Variants in COL4A5 observed in about 807,000 individuals in gnomAD.
The protein encoded by COL4A5 is collagen alpha-5(IV) chain.
A neutral mutation model predicts 130.2 loss-of-function variants in COL4A5; 26 were observed. The observed-to-expected ratio is 0.20, with a 90% CI of 0.15 to 0.28. The LOEUF is 0.28. Among genes scored for constraint, COL4A5 ranks in the 10% least tolerant of loss-of-function variants. The probability of loss-of-function intolerance (pLI) is 1.00; values close to 1 mark genes in which losing one functional copy is unlikely to be tolerated. For missense variants in COL4A5, 1,131 were observed against 1,344.3 expected (o/e 0.84, Z 2.48); for synonymous variants, 496 against 439.6 (o/e 1.13, Z -1.60).
chrX:108,674,709 C>G (rs747757892), intron 42 of COL4A5, 36 bp from the exon 43 acceptor site: 15 of 1,193,545 alleles, frequency 1.3e-5, no homozygotes, highest in Admixed American at 2.2e-5. Context: ...CTGCTAACAT[C>G]GATCTTTGGG....
At chrX:108,663,743 T>TAA (rs59197492) in intron 37 of COL4A5, among the ~76,000 whole-genome samples, 1 of 97,036 alleles carries the variant, frequency 1.0e-5, no homozygotes. Flanking sequence ...GAACTTAAAA[T>TAA]AAAAAAAAAA....
chrX:108,452,088 T>C (rs1295153682), intron 1 of COL4A5, among the ~76,000 whole-genome samples: 1 of 112,161 alleles, frequency 8.9e-6, no homozygotes, highest in Non-Finnish European at 1.9e-5. Flanking sequence ...GGGAATGCTT[T>C]CCCCATTGCT....
At chrX:108,673,427 G>C (rs1337262625) in intron 42 of COL4A5, among the ~76,000 whole-genome samples, 3 of 111,415 alleles carry the variant, frequency 2.7e-5, no homozygotes, top group Non-Finnish European at 5.6e-5. Flanking sequence ...AAAGAAAATT[G>C]TGTTTTTAGT....
intron 1 of COL4A5, among the ~76,000 whole-genome samples, chrX:108,461,680 A>G (rs992495500): frequency 9.2e-6 from 1 of 109,251 alleles, no homozygotes; most frequent in East Asian, 2.9e-4. Context: ...CTGGAACCTC[A>G]CCTCCCGGGT....
chrX:108,452,525 T>C (rs2147473104), intron 1 of COL4A5, among the ~76,000 whole-genome samples: 1 of 112,018 alleles, frequency 8.9e-6, no homozygotes, highest in South Asian at 3.8e-4. Flanking sequence ...TAGTTCTCCT[T>C]GAAGAGGTCC....
At chrX:108,563,098 A>G (rs1569487144) in intron 3 of COL4A5, among the ~76,000 whole-genome samples, 1 of 111,793 alleles carries the variant, frequency 8.9e-6, no homozygotes, top group Non-Finnish European at 1.9e-5. Flanking sequence ...ATAACTTAGC[A>G]TTGTATGTAT....
intron 4 of COL4A5, among the ~76,000 whole-genome samples, chrX:108,567,091 T>C (rs777627313): frequency 8.9e-6 from 1 of 111,847 alleles, no homozygotes; most frequent in South Asian, 3.8e-4. Context: ...AATGTATAAC[T>C]TAACAAAATA....
Position 108,577,988 on chromosome X carries a change from G to A in COL4A5, c.645+1G>A. On this transcript the variant is annotated splice_donor_variant, in intron 11 of 52. Coordinates refer to ENST00000328300, the MANE Select transcript of COL4A5 (RefSeq NM_033380.3). LOFTEE classifies it high-confidence loss of function. ...TCCACCAGGACTTCCAGGACCTAAG[G>A]TAATTTTCTTTTTCTTTATATCTTT... The A allele has an allele frequency of 8.3e-7, 1 of 1,205,127 alleles. No individual in the cohort carries two copies. Among genetic ancestry groups the A allele is most frequent in the Non-Finnish European group, 1.1e-6 (1 of 890,521 alleles).
At chrX:108,455,573 G>A (rs1413631225) in intron 1 of COL4A5, among the ~76,000 whole-genome samples, 3 of 112,037 alleles carry the variant, frequency 2.7e-5, no homozygotes, top group African/African-American at 9.7e-5. Context: ...GGTCCCTCAT[G>A]CCCGTCCCAT....
At chrX:108,645,573 T>C (rs186221750) in intron 36 of COL4A5, among the ~76,000 whole-genome samples, 315 of 109,396 alleles carry the variant, frequency 2.9e-3, no homozygotes, top group African/African-American at 0.01. Context: ...TCTTGGTTAC[T>C]TTTTTTTAAA....
In COL4A5 at chrX:108,626,364, A is replaced by G. The variant is rs757600423; in HGVS notation, c.3246+15A>G. The G allele has an allele frequency of 1.2e-5, 14 of 1,208,208 alleles. No homozygotes were observed. In the East Asian group the frequency reaches 4.2e-4, roughly 36 times the overall value. ...CTGGTCCAAAGGTAATCTTTGGCATATAGTTTTAGGCACATACTTGAGCAG... is the reference window on the plus strand; with the variant it reads ...CTGGTCCAAAGGTAATCTTTGGCATGTAGTTTTAGGCACATACTTGAGCAG... On this transcript the variant is annotated intron_variant, in intron 36 of 52. Transcript: ENST00000328300.
chrX:108,547,447 A>G (rs1443965670), intron 2 of COL4A5, among the ~76,000 whole-genome samples: 1 of 111,595 alleles, frequency 9.0e-6, no homozygotes, highest in African/African-American at 3.3e-5. Context: ...AGCAAATGTT[A>G]CTGCCTGATC....
chrX:108,597,662 T>G, intron 24 of COL4A5, 94 bp downstream of exon 24: 1 of 782,819 alleles, frequency 1.3e-6, no homozygotes, highest in South Asian at 2.2e-5. Context: ...GATGCTGAGA[T>G]AAACACCCAA....
rs112480303 is a variant in COL4A5, at chrX:108,596,954, C to T, written c.1517-44C>T. On this transcript the variant is annotated intron_variant, in intron 22 of 52. Transcript: ENST00000328300. ...GTCAGGAGTTCAAGCTCAAAGCTTA[C>T]GTTATTGTGTGTGTGTGTGTTTGTT... 6,700 of 1,118,024 alleles carry T rather than the reference C, an allele frequency of 6.0e-3. 239 individuals carry two copies. The African/African-American group carries it at 0.11, about 18-fold the overall frequency. The allele number at this position is 1,118,024 out of a possible 1,213,427, so 92.1% of individuals were successfully genotyped here. A position where few individuals can be genotyped will look rare whatever the true frequency, so the allele number is the denominator to read the frequency against.
chrX:108,537,679 C>A (rs1228226260), intron 1 of COL4A5, among the ~76,000 whole-genome samples: 1 of 112,019 alleles, frequency 8.9e-6, no homozygotes, highest in African/African-American at 3.2e-5. Flanking sequence ...GCTACACTGT[C>A]TTCTACTCGC....
At chrX:108,657,342 G>A (rs769016186) in intron 37 of COL4A5, among the ~76,000 whole-genome samples, 1 of 111,215 alleles carries the variant, frequency 9.0e-6, no homozygotes, top group South Asian at 3.7e-4. Flanking sequence ...CAGACTCTGT[G>A]TACTGTTCCA....
chrX:108,646,696 G>C (rs1307259771), intron 36 of COL4A5, among the ~76,000 whole-genome samples: 9 of 111,762 alleles, frequency 8.1e-5, no homozygotes, highest in African/African-American at 2.9e-4. Context: ...TTTTCTTCTA[G>C]GGTTTTTATG....
chrX:108,664,548 G>GA (rs1359524155), intron 37 of COL4A5, among the ~76,000 whole-genome samples: 1 of 111,552 alleles, frequency 9.0e-6, no homozygotes, highest in Non-Finnish European at 1.9e-5. Context: ...AACTGTAAAA[G>GA]AAAAAAATTG....
At chrX:108,544,483 T>A (rs1327348862) in intron 2 of COL4A5, among the ~76,000 whole-genome samples, 1 of 111,724 alleles carries the variant, frequency 9.0e-6, no homozygotes, top group African/African-American at 3.3e-5. Context: ...TGGATAAGGT[T>A]TTTGATGTGC....
Sources: allele counts gnomAD v4.1 joint callset (sites outside exome capture counted in the v4.1 genomes callset), GRCh38; gene constraint gnomAD v4.1.1; transcripts MANE v1.5; gene names NCBI Gene and HGNC (gene_info 2026-07-23, HGNC 2026-07-21).